PLD1: variants seen among roughly 807,000 people sequenced by gnomAD.
PLD1 encodes phospholipase D1.
Under a neutral mutation model 137.1 loss-of-function variants are expected in PLD1, and 112 were observed. That is an observed-to-expected ratio of 0.82 (90% CI 0.70 to 0.96). PLD1 has a LOEUF of 0.96. Ranked by LOEUF, PLD1 falls within the 40% of genes least tolerant of loss-of-function variation. The probability of loss-of-function intolerance (pLI) is 0.00; values close to 1 mark genes in which losing one functional copy is unlikely to be tolerated. For synonymous variants in PLD1, 431 were observed against 454.7 expected, an observed-to-expected ratio of 0.95 and a Z score of 0.66; for missense variants, 1,321 against 1,342.0, an observed-to-expected ratio of 0.98 and a Z score of 0.24.
At position 171,708,842 on chromosome 3, in the gene PLD1, A is replaced by C; in HGVS notation, c.1062-4T>G. 6.5e-7 allele frequency: 1 copy of C among 1,527,686 alleles called. No individual in the cohort carries two copies. The highest frequency in any genetic ancestry group is 9.1e-7 in the Non-Finnish European group (1 of 1,101,570). The allele number at this position is 1,527,686 out of a possible 1,614,324, so 94.6% of individuals were successfully genotyped here. A position where few individuals can be genotyped will look rare whatever the true frequency, so the allele number is the denominator to read the frequency against. ...ATATCCTTTGGCATTAACATACCTG[A>C]AAGACAAGTTTATTGTTCCTTTTTG... is the stretch of plus-strand genomic sequence containing the variant. On this transcript the variant is annotated splice_polypyrimidine_tract_variant and splice_region_variant and intron_variant, in intron 10 of 26. Coordinates refer to ENST00000351298, the MANE Select transcript of PLD1 (RefSeq NM_002662.5).
chr3:171,672,252 G>A (rs1476232588), intron 19 of PLD1, among the ~76,000 whole-genome samples: 2 of 152,158 alleles, frequency 1.3e-5, no homozygotes, highest in Admixed American at 1.3e-4. Context: ...GTTTCCAGAG[G>A]CAAAGAACTC....
At chr3:171,680,414 A>C (rs1485413574) in intron 16 of PLD1, among the ~76,000 whole-genome samples, 1 of 150,662 alleles carries the variant, frequency 6.6e-6, no homozygotes, top group Non-Finnish European at 1.5e-5. Flanking sequence ...TTTGTATTTG[A>C]TAGTAGAGAC....
intron 1 of PLD1, among the ~76,000 whole-genome samples, chr3:171,798,374 T>C (rs1723513736): frequency 6.6e-6 from 1 of 152,192 alleles, no homozygotes. Context: ...TAAATTATGG[T>C]CAAATTTTAC....
Position 171,711,736 on chromosome 3 carries a change from C to T in PLD1, c.912-2027G>A, listed in dbSNP as rs201121656. Among the ~76,000 whole-genome samples, 77 of 144,656 alleles carry T rather than the reference C, an allele frequency of 5.3e-4. 2 individuals are homozygous for T. In the East Asian group the frequency reaches 9.4e-3, roughly 18 times the overall value. 94.9% of individuals were successfully genotyped at this position (144,656 alleles called of 152,430 possible). On this transcript the variant is annotated intron_variant, in intron 9 of 26. Transcript: ENST00000351298. ...ATGCTCAACATGGCTGATTAGTTCT[C>T]TTTGGTATAAGCCAGTTTGCTTTAG...
At position 171,745,861 on chromosome 3, in the gene PLD1, A is replaced by T. The variant is rs529879448; in HGVS notation, c.-31-7779T>A. 1.3e-3 allele frequency among the ~76,000 whole-genome samples: 200 copies of T among 151,168 alleles called. 1 individual carries two copies. Among genetic ancestry groups the T allele is most frequent in the Admixed American group, 2.4e-3 (36 of 15,216 alleles). Reference sequence around the variant, plus strand: ...TCTGGGCTGGCGGAGGCCAGAGCCAACTCCTTCTGCTTGCAGGGAGGTGTG... The same window carrying T: ...TCTGGGCTGGCGGAGGCCAGAGCCATCTCCTTCTGCTTGCAGGGAGGTGTG... On this transcript the variant is annotated intron_variant, in intron 1 of 26. Coordinates refer to ENST00000351298, the MANE Select transcript of PLD1 (RefSeq NM_002662.5).
intron 1 of PLD1, among the ~76,000 whole-genome samples, chr3:171,777,020 A>C (rs1346737753): frequency 9.2e-5 from 14 of 152,136 alleles, no homozygotes; most frequent in Admixed American, 9.2e-4. Flanking sequence ...CCTTTTACAC[A>C]ATAATGAGAA....
intron 8 of PLD1, among the ~76,000 whole-genome samples, chr3:171,719,743 G>C (rs751248745): frequency 1.3e-5 from 2 of 152,174 alleles, no homozygotes; most frequent in Non-Finnish European, 2.9e-5. Context: ...CAGGTGCAGA[G>C]AAGTTTCTCA....
chr3:171,604,953 G>C (rs1477501635), intron 26 of PLD1, among the ~76,000 whole-genome samples: 1 of 152,202 alleles, frequency 6.6e-6, no homozygotes, highest in Non-Finnish European at 1.5e-5. Flanking sequence ...AGCTAGGCTG[G>C]ACTCAGCTGT....
At chr3:171,693,331 A>G (rs1715385043) in intron 12 of PLD1, among the ~76,000 whole-genome samples, 1 of 152,210 alleles carries the variant, frequency 6.6e-6, no homozygotes, top group Non-Finnish European at 1.5e-5. Flanking sequence ...AAAGATTTAA[A>G]CAAAAACCAA....
At chr3:171,749,241 C>T (rs1449505062) in intron 1 of PLD1, among the ~76,000 whole-genome samples, 1 of 152,068 alleles carries the variant, frequency 6.6e-6, no homozygotes, top group African/African-American at 2.4e-5. Context: ...CTGTAGGGCC[C>T]AAAGGGTTCT....
chr3:171,680,766 C>A (rs1018381444), intron 16 of PLD1, among the ~76,000 whole-genome samples: 5 of 152,178 alleles, frequency 3.3e-5, no homozygotes, highest in Non-Finnish European at 2.9e-5. Flanking sequence ...ACCTCGGAAT[C>A]ACCTTTGGCT....
At chr3:171,644,808 C>T (rs1736054857) in intron 22 of PLD1, 102 bp downstream of exon 22, 1 of 745,288 alleles carries the variant, frequency 1.3e-6, no homozygotes, top group Non-Finnish European at 2.4e-6. Context: ...TCATTTGTTC[C>T]CCACTCCACC....
At chr3:171,791,630 C>A (rs1396453111) in intron 1 of PLD1, among the ~76,000 whole-genome samples, 2 of 152,164 alleles carry the variant, frequency 1.3e-5, no homozygotes, top group African/African-American at 4.8e-5. Flanking sequence ...GCTGACACTT[C>A]CTATTCCTTT....
intron 12 of PLD1, among the ~76,000 whole-genome samples, chr3:171,695,949 T>C (rs1164502147): frequency 6.6e-6 from 1 of 152,244 alleles, no homozygotes; most frequent in East Asian, 1.9e-4. Flanking sequence ...AAGCACATTT[T>C]TGAAGCTGAA....
rs778400227 is a variant in PLD1 at position 171,781,131 on chromosome 3, C to T, written c.-32+29268G>A. Among the ~76,000 whole-genome samples, 50 of 151,668 alleles carry T rather than the reference C, an allele frequency of 3.3e-4. 1 individual carries two copies. Among genetic ancestry groups the T allele is most frequent in the Middle Eastern group, 3.2e-3 (1 of 316 alleles). On this transcript the variant is annotated intron_variant, in intron 1 of 26. Coordinates refer to ENST00000351298, the MANE Select transcript of PLD1 (RefSeq NM_002662.5). ...TACAGGATCAACAAATAGATCAATA[C>T]AACAGGATAGAGAGCTCAGAAATAG...
At chr3:171,778,294 C>G (rs1261021859) in intron 1 of PLD1, among the ~76,000 whole-genome samples, 2 of 152,132 alleles carry the variant, frequency 1.3e-5, no homozygotes, top group African/African-American at 4.8e-5. Context: ...ACCTACTATG[C>G]GACAGGCATT....
At chr3:171,656,187 T>TATTTATTTATTTATTTA (rs1560186046) in intron 21 of PLD1, among the ~76,000 whole-genome samples, 1 of 151,882 alleles carries the variant, frequency 6.6e-6, no homozygotes, top group Non-Finnish European at 1.5e-5. Flanking sequence ...TTTATTTATT[T>TATTTATTTATTTATTTA]TGAGACAGAG....
chr3:171,737,451 AG>A, intron 3 of PLD1, 80 bp downstream of exon 3: 1 of 1,198,974 alleles, frequency 8.3e-7, no homozygotes. Flanking sequence ...ATCATAGCTA[AG>A]AGGGAGGAAA....
At chr3:171,696,386 T>C (rs772169659) in intron 12 of PLD1, among the ~76,000 whole-genome samples, 12 of 152,168 alleles carry the variant, frequency 7.9e-5, no homozygotes, top group East Asian at 1.9e-4. Flanking sequence ...GCCAAAGAAA[T>C]AGGAGAAGTT....
Sources: gnomAD v4.1 joint callset for allele counts (sites outside exome capture counted in the v4.1 genomes callset) on GRCh38, gnomAD v4.1.1 for gene constraint, MANE v1.5 for transcripts, NCBI Gene and HGNC (gene_info 2026-07-23, HGNC 2026-07-21) for gene names.